Variants in MSI2 observed in about 807,000 individuals in gnomAD.
MSI2 encodes RNA-binding protein Musashi homolog 2.
Under a neutral mutation model 45.6 loss-of-function variants are expected in MSI2, and 17 were observed. That is an observed-to-expected ratio of 0.37 (90% CI 0.26 to 0.56). MSI2 has a LOEUF of 0.56. Ranked by LOEUF, MSI2 falls within the 20% of genes least tolerant of loss-of-function variation. The pLI is 0.77. For missense variants in MSI2, 293 were observed against 444.2 expected, an observed-to-expected ratio of 0.66 and a Z score of 3.06; for synonymous variants, 156 against 158.2, an observed-to-expected ratio of 0.99 and a Z score of 0.11.
At chr17:57,303,440 G>T (rs554234832) in intron 5 of MSI2, among the ~76,000 whole-genome samples, 51 of 152,242 alleles carry the variant, frequency 3.3e-4, no homozygotes, top group African/African-American at 1.2e-3. Flanking sequence ...GTGTGAAGGG[G>T]GAAAAATATC....
At chr17:57,285,132 C>T (rs1370375784) in intron 5 of MSI2, among the ~76,000 whole-genome samples, 2 of 152,006 alleles carry the variant, frequency 1.3e-5, no homozygotes, top group Non-Finnish European at 1.5e-5. Context: ...GATAAGGAAC[C>T]GTCAACATCC....
At chr17:57,665,671 G>A (rs1912313686) in intron 11 of MSI2, among the ~76,000 whole-genome samples, 1 of 147,196 alleles carries the variant, frequency 6.8e-6, no homozygotes, top group East Asian at 2.2e-4. Flanking sequence ...AGTAAATACC[G>A]TTCAGCCCTA....
chr17:57,616,740 T>C (rs908692757), intron 9 of MSI2: 2 of 152,188 alleles, frequency 1.3e-5, no homozygotes, highest in Non-Finnish European at 2.9e-5. Context: ...TCCTTAAAAG[T>C]ATCTCTGTCC....
intron 10 of MSI2, among the ~76,000 whole-genome samples, chr17:57,643,566 G>C (rs1423810504): frequency 6.6e-6 from 1 of 152,198 alleles, no homozygotes; most frequent in Non-Finnish European, 1.5e-5. Flanking sequence ...GGGCCCCCTG[G>C]TTCCGCACTT....
At chr17:57,283,006 CA>C in intron 5 of MSI2, among the ~76,000 whole-genome samples, 2 of 152,178 alleles carry the variant, frequency 1.3e-5, no homozygotes, top group Middle Eastern at 6.8e-3. Flanking sequence ...CCTTTAACTG[CA>C]AACGGCTGTG....
chr17:57,695,124 CA>C, the MSI2 span, among the ~76,000 whole-genome samples: 1 of 152,076 alleles, frequency 6.6e-6, no homozygotes, highest in South Asian at 2.1e-4. Context: ...ATGAGATAAC[CA>C]AGGCTCAGAG....
chr17:57,383,866 G>C (rs1295197530), intron 5 of MSI2, among the ~76,000 whole-genome samples: 2 of 152,178 alleles, frequency 1.3e-5, no homozygotes, highest in African/African-American at 4.8e-5. Flanking sequence ...AGACTGCCAG[G>C]TCACTCCACG....
chr17:57,592,041 G>A (rs1429887732), intron 7 of MSI2, among the ~76,000 whole-genome samples: 2 of 151,464 alleles, frequency 1.3e-5, no homozygotes, highest in Admixed American at 6.6e-5. Context: ...GTGCGGTGGC[G>A]TGTACCTGTA....
At position 57,627,867 on chromosome 17, in the gene MSI2, G is replaced by A. The variant is rs928325163; in HGVS notation, c.727+564G>A. 1.3e-5 allele frequency: 2 copies of A among 154,542 alleles called. No individual in the cohort carries two copies. The highest frequency in any genetic ancestry group is 3.8e-4 in the East Asian group (2 of 5,210). 9.6% of individuals were successfully genotyped at this position (154,542 alleles called of 1,614,324 possible). A position where few individuals can be genotyped will look rare whatever the true frequency, so the allele number is the denominator to read the frequency against. ...GCTGTTTAGATTATCCTTTCCCTCTGCGTGGGTATCAAGACTTGAGGCAGA... is the reference window on the plus strand; with the variant it reads ...GCTGTTTAGATTATCCTTTCCCTCTACGTGGGTATCAAGACTTGAGGCAGA... On this transcript the variant is annotated intron_variant, in intron 10 of 13. Transcript: ENST00000284073. This position sits in a 1 kb window ranked among gnomAD's most constrained non-coding sequence, Gnocchi z 4.6.
chr17:57,267,901 TC>T (rs1227385154), intron 5 of MSI2: 5 of 152,184 alleles, frequency 3.3e-5, no homozygotes, highest in African/African-American at 1.2e-4. Context: ...TGCTCACCCT[TC>T]TTTGAGAAAC....
At chr17:57,603,965 C>G (rs988351741) in intron 8 of MSI2, among the ~76,000 whole-genome samples, 14 of 152,244 alleles carry the variant, frequency 9.2e-5, no homozygotes, top group African/African-American at 3.4e-4. Context: ...AACAGGCACA[C>G]GAGTTTGGGG....
At chr17:57,401,504 C>T in intron 6 of MSI2, 33 bp downstream of exon 6, 1 of 1,553,064 alleles carries the variant, frequency 6.4e-7, no homozygotes, top group South Asian at 1.1e-5. Flanking sequence ...TGGCACATGC[C>T]AGAAGTAGCC....
chr17:57,305,268 A>C (rs570944664), intron 5 of MSI2, among the ~76,000 whole-genome samples: 1 of 152,156 alleles, frequency 6.6e-6, no homozygotes, highest in Non-Finnish European at 1.5e-5. Flanking sequence ...ACTGACCGGC[A>C]TGGGTGAACC....
chr17:57,662,236 T>A (rs1912040717), intron 11 of MSI2, among the ~76,000 whole-genome samples: 1 of 152,136 alleles, frequency 6.6e-6, no homozygotes, highest in Admixed American at 6.5e-5. Flanking sequence ...GCTGTTGAAA[T>A]TAGATCTGTC....
intron 5 of MSI2, among the ~76,000 whole-genome samples, chr17:57,330,658 G>A (rs998559165): frequency 3.9e-5 from 6 of 152,080 alleles, no homozygotes; most frequent in Non-Finnish European, 7.4e-5. Context: ...CAGGCGTTCC[G>A]CATCCATAGA....
At chr17:57,689,018 G>C (rs1005710625), downstream of MSI2, among the ~76,000 whole-genome samples, 1 of 152,136 alleles carries the variant, frequency 6.6e-6, no homozygotes, top group African/African-American at 2.4e-5. Context: ...TGGTCAAAGA[G>C]GATTCTGGCT....
In MSI2 at chr17:57,532,891, G is replaced by A. The variant is rs138614796; in HGVS notation, c.454+3167G>A. On this transcript the variant is annotated intron_variant, in intron 7 of 13. Coordinates refer to ENST00000284073, the MANE Select transcript of MSI2 (RefSeq NM_138962.4). Reference sequence around the variant, plus strand: ...TAGCCCAGCCCTGTGGGGCAGCCTGGGGCCTCAACTCATCCTTACCCCAGG... The same window carrying A: ...TAGCCCAGCCCTGTGGGGCAGCCTGAGGCCTCAACTCATCCTTACCCCAGG... 1.6e-3 allele frequency among the ~76,000 whole-genome samples: 245 copies of A among 152,322 alleles called. 1 individual carries two copies. Among genetic ancestry groups the A allele is most frequent in the African/African-American group, 5.8e-3 (242 of 41,572 alleles).
chr17:57,581,247 A>G (rs913358014), intron 7 of MSI2, among the ~76,000 whole-genome samples: 5 of 152,092 alleles, frequency 3.3e-5, no homozygotes, highest in Non-Finnish European at 7.4e-5. Context: ...TCCTGGCCTC[A>G]GGTGATTCCC....
intron 7 of MSI2, among the ~76,000 whole-genome samples, chr17:57,592,360 A>G (rs1000460033): frequency 3.3e-5 from 5 of 152,186 alleles, no homozygotes; most frequent in Non-Finnish European, 7.3e-5. Flanking sequence ...GGGGTTATTC[A>G]GCACTAAGTT....
Sources: allele counts gnomAD v4.1 joint callset (sites outside exome capture counted in the v4.1 genomes callset), GRCh38; gene constraint gnomAD v4.1.1; non-coding constraint Gnocchi (gnomAD v3.1); transcripts MANE v1.5; gene names NCBI Gene and HGNC (gene_info 2026-07-23, HGNC 2026-07-21).